The following ANKRD31 variants were observed in gnomAD, a reference collection of about 807,000 sequenced individuals.
ANKRD31 encodes ankyrin repeat domain-containing protein 31.
In ANKRD31, 147 loss-of-function variants were observed where a neutral mutation model predicts 186.0. That is an observed-to-expected ratio of 0.79 (90% CI 0.69 to 0.91). The LOEUF (loss-of-function observed/expected upper bound fraction) is 0.91, where lower values mean the gene tolerates loss of function less well. ANKRD31 is among the 40% of genes least tolerant of loss of function. The pLI is 0.00. For missense variants in ANKRD31, 1,986 were observed against 2,148.8 expected (o/e 0.92, Z 1.50); for synonymous variants, 673 against 736.4 (o/e 0.91, Z 1.39).
intron 5 of ANKRD31, among the ~76,000 whole-genome samples, chr5:75,205,701 C>G (rs886231736): frequency 4.6e-5 from 7 of 152,120 alleles, no homozygotes; most frequent in Non-Finnish European, 7.4e-5. Context: ...TTAAATTTAT[C>G]TTTCCAAAAT....
intron 11 of ANKRD31, among the ~76,000 whole-genome samples, chr5:75,166,452 TA>T (rs1339385987): frequency 6.6e-6 from 1 of 151,920 alleles, no homozygotes; most frequent in Non-Finnish European, 1.5e-5. Context: ...GCCTGGGTGA[TA>T]GGGGGAAACT....
chr5:75,105,157 T>G lies in ANKRD31; in HGVS notation c.4402A>C (p.Arg1468=). The G allele has an allele frequency of 6.5e-7, 1 of 1,536,322 alleles. No homozygotes were observed. The highest frequency in any genetic ancestry group is 8.7e-7 in the Non-Finnish European group (1 of 1,146,620). ...LREQLANLAA[R]QKSLLVVAKK... The stretch of plus-strand genomic sequence containing the variant: ...GCCACAACTAAAAGGCTCTTCTGTC[T>G]TGCAGCCAAGTTGGCCAATTGTTCT... The change falls in exon 22 of 26, where the codon AGA becomes CGA. Residue 1468 remains arginine, a synonymous_variant. Transcript: ENST00000506364.
intron 22 of ANKRD31, among the ~76,000 whole-genome samples, chr5:75,098,026 G>GTT (rs1024657967): frequency 6.8e-6 from 1 of 147,370 alleles, no homozygotes; most frequent in African/African-American, 2.5e-5. Context: ...CTATATCTCT[G>GTT]TTTTTTTTTT....
At chr5:75,204,063 AG>A (rs1190852341) in intron 5 of ANKRD31, among the ~76,000 whole-genome samples, 1 of 152,220 alleles carries the variant, frequency 6.6e-6, no homozygotes, top group Admixed American at 6.5e-5. Flanking sequence ...TCTATATCTA[AG>A]ACATGAAAAC....
chr5:75,146,045 T>C lies in ANKRD31; in HGVS notation c.3366A>G (p.Glu1122=). 6.6e-7 allele frequency: 1 copy of C among 1,513,076 alleles called. No homozygotes were observed. The highest frequency in any genetic ancestry group is 1.3e-5 in the South Asian group (1 of 79,366). 93.7% of individuals were successfully genotyped at this position (1,513,076 alleles called of 1,614,324 possible). Residue 1122 remains glutamate (E), a synonymous_variant, in exon 14 of 26, where the codon GAA becomes GAG. Transcript: ENST00000506364. ...DSHSTDNMSK[E]LANISKLSQR... ...GACTAAGTTTTGAGATGTTGGCCAATTCTTTACTCATATTGTCAGTGGAAT... is the reference window on the plus strand; with the variant it reads ...GACTAAGTTTTGAGATGTTGGCCAACTCTTTACTCATATTGTCAGTGGAAT...
intron 12 of ANKRD31, among the ~76,000 whole-genome samples, chr5:75,152,062 C>A (rs971073896): frequency 3.3e-5 from 5 of 151,996 alleles, no homozygotes; most frequent in Non-Finnish European, 1.5e-5. Context: ...GCCTGCCCAG[C>A]ACATAACCTC....
At position 75,141,329 on chromosome 5, in the gene ANKRD31, A is replaced by G. The variant is rs550464074; in HGVS notation, c.3596-2346T>C. ...CCAAAATTCTTTATTGGAAGAATTGAAAACTTATGTGTGTGTGTGTGTGTG... is the reference window on the plus strand; with the variant it reads ...CCAAAATTCTTTATTGGAAGAATTGGAAACTTATGTGTGTGTGTGTGTGTG... On this transcript the variant is annotated intron_variant, in intron 15 of 25. Transcript: ENST00000506364. Among the ~76,000 whole-genome samples, 799 of 152,146 alleles carry G rather than the reference A, an allele frequency of 5.3e-3. 3 individuals are homozygous for G. Among genetic ancestry groups the G allele is most frequent in the Middle Eastern group, 0.041 (12 of 294 alleles).
chr5:75,123,705 T>C (rs1240276539), intron 17 of ANKRD31, among the ~76,000 whole-genome samples: 1 of 152,208 alleles, frequency 6.6e-6, no homozygotes, highest in East Asian at 1.9e-4. Context: ...GAAAAAGATA[T>C]CTTTTTCAAT....
chr5:75,214,778 A>C (rs551616276), intron 3 of ANKRD31, among the ~76,000 whole-genome samples: 29 of 152,328 alleles, frequency 1.9e-4, no homozygotes, highest in Non-Finnish European at 3.2e-4. Context: ...AATAGTCCTG[A>C]GGCAGAAGAA....
At chr5:75,074,039 C>A (rs1410333053) in intron 25 of ANKRD31, among the ~76,000 whole-genome samples, 1 of 152,138 alleles carries the variant, frequency 6.6e-6, no homozygotes, top group African/African-American at 2.4e-5. Context: ...AAAATCCCAT[C>A]CCCAACTCCA....
intron 1 of ANKRD31, among the ~76,000 whole-genome samples, chr5:75,232,475 G>A (rs1414022300): frequency 2.6e-5 from 4 of 151,956 alleles, no homozygotes; most frequent in Admixed American, 6.6e-5. Flanking sequence ...TGTTGGCCAG[G>A]CTAGTCTCGA....
At chr5:75,214,663 T>C (rs887805204) in intron 3 of ANKRD31, among the ~76,000 whole-genome samples, 42 of 152,198 alleles carry the variant, frequency 2.8e-4, no homozygotes, top group African/African-American at 9.7e-4. Context: ...TCTTTAATGC[T>C]CATTTTAACT....
Position 75,196,056 on chromosome 5 carries a change from T to G in ANKRD31, c.592A>C (p.Arg198=), listed in dbSNP as rs1227658362. Reference sequence around the variant, plus strand: ...GTCATGGTCATTGTGACTTCCTTTCTAGGCTCAAAAAATGTATTTGGTGCT... The same window carrying G: ...GTCATGGTCATTGTGACTTCCTTTCGAGGCTCAAAAAATGTATTTGGTGCT... ...LAAPNTFFEP[R]KEVTMTMTSE... The change falls in exon 7 of 26, where the codon AGA becomes CGA. Residue 198 remains arginine (R), a synonymous_variant. Transcript: ENST00000506364. 2 of 1,536,588 alleles carry G rather than the reference T, an allele frequency of 1.3e-6. No individual in the cohort carries two copies. Among genetic ancestry groups the G allele is most frequent in the East Asian group, 2.4e-5 (1 of 40,896 alleles).
chr5:75,081,307 C>T (rs1398140209), intron 24 of ANKRD31, among the ~76,000 whole-genome samples: 1 of 151,972 alleles, frequency 6.6e-6, no homozygotes, highest in Non-Finnish European at 1.5e-5. Context: ...TCGCTCTTGT[C>T]ACCCAGGCTG....
chr5:75,166,245 G>A (rs1042217104), intron 11 of ANKRD31, among the ~76,000 whole-genome samples: 4 of 152,094 alleles, frequency 2.6e-5, no homozygotes, highest in East Asian at 1.9e-4. Context: ...CTAGGCGGGC[G>A]GATCACTTGA....
chr5:75,235,460 T>G (rs892435413), intron 1 of ANKRD31, among the ~76,000 whole-genome samples: 1 of 152,178 alleles, frequency 6.6e-6, no homozygotes, highest in Non-Finnish European at 1.5e-5. Context: ...ACCCATTTAT[T>G]GACGAGTTTC....
chr5:75,131,535 C>T (rs1194617742), intron 17 of ANKRD31, among the ~76,000 whole-genome samples: 1 of 152,158 alleles, frequency 6.6e-6, no homozygotes, highest in African/African-American at 2.4e-5. Context: ...GTGGAGCCCA[C>T]CACAGCTCAA....
chr5:75,069,528 T>C (rs887406672), intron 25 of ANKRD31, among the ~76,000 whole-genome samples: 1 of 151,872 alleles, frequency 6.6e-6, no homozygotes, highest in African/African-American at 2.4e-5. Context: ...TGTAATGAGT[T>C]TTTTGTTTTT....
chr5:75,087,512 G>C (rs1373138804), intron 23 of ANKRD31, among the ~76,000 whole-genome samples: 1 of 133,080 alleles, frequency 7.5e-6, no homozygotes, highest in Non-Finnish European at 1.6e-5. Context: ...GGCTCAAAAA[G>C]AAAAAAAAAA....
Sources: gnomAD v4.1 joint callset for allele counts (sites outside exome capture counted in the v4.1 genomes callset) on GRCh38, gnomAD v4.1.1 for gene constraint, MANE v1.5 for transcripts, NCBI Gene and HGNC (gene_info 2026-07-23, HGNC 2026-07-21) for gene names.